The following CSMD1 variants were observed in gnomAD, a reference collection of about 807,000 sequenced individuals.
The protein encoded by CSMD1 is CUB and Sushi multiple domains 1.
Under a neutral mutation model 417.5 loss-of-function variants are expected in CSMD1, and 213 were observed. That is an observed-to-expected ratio of 0.51 (90% confidence interval 0.46 to 0.57). CSMD1 has a LOEUF of 0.57. Ranked by LOEUF, CSMD1 falls within the 20% of genes least tolerant of loss-of-function variation. The probability of loss-of-function intolerance (pLI) is 0.00; values close to 1 mark genes in which losing one functional copy is unlikely to be tolerated. For missense variants in CSMD1, 6,923 were observed against 4,529.7 expected, an observed-to-expected ratio of 1.53 and a Z score of -15.17; for synonymous variants, 2,862 against 1,736.8, an observed-to-expected ratio of 1.65 and a Z score of -16.11.
chr8:4,120,619 C>A (rs4875285), intron 3 of CSMD1, among the ~76,000 whole-genome samples: 150,701 of 152,336 alleles, frequency 0.99, 74,567 homozygotes, highest in East Asian at 1. Flanking sequence ...AATAGACAGT[C>A]TGTGTACCTG....
At chr8:4,180,790 T>A (rs1798325395) in intron 3 of CSMD1, among the ~76,000 whole-genome samples, 1 of 152,122 alleles carries the variant, frequency 6.6e-6, no homozygotes, top group Admixed American at 6.6e-5. Flanking sequence ...AATATCTGTA[T>A]GTCTTTGGTA....
chr8:4,314,983 T>C (rs1437956205), intron 3 of CSMD1, among the ~76,000 whole-genome samples: 2 of 152,146 alleles, frequency 1.3e-5, no homozygotes, highest in Non-Finnish European at 2.9e-5. Flanking sequence ...CCTTCCCACA[T>C]GGCTAATAGT....
intron 1 of CSMD1, among the ~76,000 whole-genome samples, chr8:4,954,240 T>C (rs1451511765): frequency 6.6e-6 from 1 of 152,208 alleles, no homozygotes; most frequent in Non-Finnish European, 1.5e-5. Context: ...AAGAAATTAT[T>C]TTTAAACAAT....
intron 4 of CSMD1, among the ~76,000 whole-genome samples, chr8:4,007,270 C>A (rs1041356756): frequency 9.9e-5 from 15 of 152,186 alleles, no homozygotes; most frequent in African/African-American, 3.6e-4. Context: ...GCTTACCAGG[C>A]CCTGAAAGGC....
chr8:3,034,206 G>A (rs1585195275), intron 50 of CSMD1, among the ~76,000 whole-genome samples: 1 of 152,330 alleles, frequency 6.6e-6, no homozygotes. Flanking sequence ...AAAATAGTTG[G>A]AATGAAGAAA....
chr8:4,336,906 A>C (rs771258995), intron 3 of CSMD1, among the ~76,000 whole-genome samples: 2 of 152,124 alleles, frequency 1.3e-5, no homozygotes, highest in Non-Finnish European at 2.9e-5. Flanking sequence ...CCTAATTTCC[A>C]TAATAAATAA....
chr8:3,200,684 G>T (rs1467443684), intron 32 of CSMD1, among the ~76,000 whole-genome samples: 1 of 151,990 alleles, frequency 6.6e-6, no homozygotes, highest in Non-Finnish European at 1.5e-5. Flanking sequence ...GTTTTCAGAG[G>T]ACAATGTGTT....
intron 1 of CSMD1, among the ~76,000 whole-genome samples, chr8:4,839,418 C>G (rs1273005428): frequency 6.6e-6 from 1 of 152,148 alleles, no homozygotes; most frequent in Non-Finnish European, 1.5e-5. Flanking sequence ...ACACATTCTA[C>G]TTTGTATTTC....
intron 2 of CSMD1, among the ~76,000 whole-genome samples, chr8:4,531,734 C>A (rs1445818886): frequency 6.6e-6 from 1 of 152,170 alleles, no homozygotes; most frequent in Non-Finnish European, 1.5e-5. Context: ...AATTCCCATA[C>A]CATGAAATTC....
chr8:3,893,737 A>T (rs976159784), intron 5 of CSMD1, among the ~76,000 whole-genome samples: 1 of 152,080 alleles, frequency 6.6e-6, no homozygotes, highest in African/African-American at 2.4e-5. Flanking sequence ...AAGCATTAAC[A>T]TTCGCTTTGT....
At chr8:4,459,949 G>C (rs924539459) in intron 2 of CSMD1, among the ~76,000 whole-genome samples, 5 of 152,088 alleles carry the variant, frequency 3.3e-5, no homozygotes, top group Non-Finnish European at 7.4e-5. Context: ...CATTTTCATA[G>C]AGGAACAGAA....
intron 3 of CSMD1, among the ~76,000 whole-genome samples, chr8:4,240,732 TCTTC>T (rs1026651210): frequency 2.2e-4 from 34 of 152,158 alleles, no homozygotes; most frequent in African/African-American, 8.0e-4. Context: ...CCAATGTTGC[TCTTC>T]CTTTTTTCTG....
chr8:4,863,786 C>G (rs1384030627), intron 1 of CSMD1, among the ~76,000 whole-genome samples: 1 of 151,872 alleles, frequency 6.6e-6, no homozygotes, highest in Non-Finnish European at 1.5e-5. Flanking sequence ...ATTTTCTTTA[C>G]TTGGAGTACA....
intron 1 of CSMD1, among the ~76,000 whole-genome samples, chr8:4,778,591 G>A (rs547544216): frequency 1.3e-5 from 2 of 152,198 alleles, no homozygotes; most frequent in Non-Finnish European, 2.9e-5. Flanking sequence ...TTCCGTGAGA[G>A]GGAGGTCATG....
intron 26 of CSMD1, among the ~76,000 whole-genome samples, chr8:3,265,663 C>A (rs977223832): frequency 2.0e-5 from 3 of 152,132 alleles, no homozygotes; most frequent in Admixed American, 6.5e-5. Context: ...AACATGAGGT[C>A]GTGCTAGGAT....
intron 3 of CSMD1, among the ~76,000 whole-genome samples, chr8:4,136,668 C>G (rs907975172): frequency 6.6e-6 from 1 of 152,144 alleles, no homozygotes; most frequent in Non-Finnish European, 1.5e-5. Flanking sequence ...CTCTTATTGT[C>G]TCACAAGTGT....
At chr8:4,294,559 G>A (rs770957791) in intron 3 of CSMD1, among the ~76,000 whole-genome samples, 8 of 152,114 alleles carry the variant, frequency 5.3e-5, no homozygotes, top group Non-Finnish European at 8.8e-5. Flanking sequence ...TGTCCATGGT[G>A]CCATGTTAGA....
intron 21 of CSMD1, 37 bp downstream of exon 21, chr8:3,359,115 C>A (rs1334597990): frequency 6.2e-7 from 1 of 1,605,250 alleles, no homozygotes; most frequent in Non-Finnish European, 8.5e-7. Flanking sequence ...GACCCTGCCC[C>A]CATGGATGAA....
chr8:4,319,198 T>G (rs939034857), intron 3 of CSMD1, among the ~76,000 whole-genome samples: 2 of 152,202 alleles, frequency 1.3e-5, no homozygotes, highest in African/African-American at 2.4e-5. Flanking sequence ...GTAATTCCAA[T>G]TACAGATTTT....
Sources: allele counts gnomAD v4.1 joint callset (sites outside exome capture counted in the v4.1 genomes callset), GRCh38; gene constraint gnomAD v4.1.1; transcripts MANE v1.5; gene names NCBI Gene and HGNC (gene_info 2026-07-23, HGNC 2026-07-21).